The following SPIDR variants were observed in gnomAD, a reference collection of about 807,000 sequenced individuals.
SPIDR encodes the protein DNA repair-scaffolding protein.
SPIDR carries 93 observed loss-of-function variants against 104.6 expected under a neutral mutation model. That is an observed-to-expected ratio of 0.89 (90% CI 0.75 to 1.06). SPIDR has a LOEUF of 1.06. Ranked by LOEUF, SPIDR falls within the 50% of genes least tolerant of loss-of-function variation. SPIDR has a pLI of 0.00. For missense variants in SPIDR, 1,154 were observed against 1,111.2 expected (o/e 1.04, Z -0.55); for synonymous variants, 431 against 416.9 (o/e 1.03, Z -0.41).
At chr8:47,725,386 C>CTTTGT (rs1563673753) in intron 16 of SPIDR, among the ~76,000 whole-genome samples, 3 of 152,016 alleles carry the variant, frequency 2.0e-5, no homozygotes, top group African/African-American at 7.2e-5. Flanking sequence ...AAGTGAATGT[C>CTTTGT]TTTTGTTTTT....
chr8:47,700,301 G>A (rs1204081997), intron 11 of SPIDR, 102 bp from the exon 12 acceptor site: 6 of 1,171,586 alleles, frequency 5.1e-6, no homozygotes, highest in South Asian at 2.5e-5. Flanking sequence ...GTAGTTCCAT[G>A]GCCTTAGGCA....
In SPIDR at chr8:47,375,241, T is replaced by A. The variant is rs1019824563; in HGVS notation, c.526-21135T>A. Among the ~76,000 whole-genome samples, 32 of 122,024 alleles carry A rather than the reference T, an allele frequency of 2.6e-4. No homozygotes were observed. The South Asian group carries it at 0.01, about 39-fold the overall frequency. The allele number at this position is 122,024 out of a possible 152,430, so 80.1% of individuals were successfully genotyped here. On this transcript the variant is annotated intron_variant, in intron 5 of 19. Coordinates refer to ENST00000297423, the MANE Select transcript of SPIDR (RefSeq NM_001080394.4). ...AGTTAAGAGTTAATAGGCTTTTTTTTTTTTTTTTTTTTTTTTTTGAGCCAG... is the reference window on the plus strand; with the variant it reads ...AGTTAAGAGTTAATAGGCTTTTTTTATTTTTTTTTTTTTTTTTTGAGCCAG...
At chr8:47,403,708 C>G (rs545358587) in intron 6 of SPIDR, among the ~76,000 whole-genome samples, 1 of 152,028 alleles carries the variant, frequency 6.6e-6, no homozygotes, top group Non-Finnish European at 1.5e-5. Context: ...AAAGAGGAAA[C>G]AAATAAATGG....
chr8:47,478,131 C>T (rs953282155), intron 8 of SPIDR, among the ~76,000 whole-genome samples: 1 of 152,100 alleles, frequency 6.6e-6, no homozygotes, highest in Non-Finnish European at 1.5e-5. Context: ...ACAAGGAGTA[C>T]CAGAGGACAC....
At chr8:47,632,821 G>T (rs774348113) in intron 10 of SPIDR, among the ~76,000 whole-genome samples, 1 of 152,198 alleles carries the variant, frequency 6.6e-6, no homozygotes, top group Admixed American at 6.5e-5. Flanking sequence ...TCAGGGGCAC[G>T]CTGCACAGCA....
chr8:47,289,008 T>C (rs2154235260), intron 3 of SPIDR, among the ~76,000 whole-genome samples: 1 of 152,210 alleles, frequency 6.6e-6, no homozygotes, highest in South Asian at 2.1e-4. Flanking sequence ...GGAAGGAGCT[T>C]TCTTTTCTTT....
intron 11 of SPIDR, among the ~76,000 whole-genome samples, chr8:47,676,212 A>G (rs980294537): frequency 6.6e-6 from 1 of 152,246 alleles, no homozygotes; most frequent in Non-Finnish European, 1.5e-5. Flanking sequence ...TACATGGGAA[A>G]TGTTTTTGCC....
intron 8 of SPIDR, chr8:47,511,940 C>A: frequency 1.3e-6 from 1 of 792,536 alleles, no homozygotes. Context: ...ACTCTATTAT[C>A]ACTAGGGGCT....
intron 8 of SPIDR, among the ~76,000 whole-genome samples, chr8:47,456,590 A>G (rs1468860985): frequency 6.6e-6 from 1 of 152,106 alleles, no homozygotes; most frequent in East Asian, 1.9e-4. Flanking sequence ...ATTTGGTCCA[A>G]GGTTTTATTT....
At chr8:47,504,165 A>G (rs1355372821) in intron 8 of SPIDR, among the ~76,000 whole-genome samples, 1 of 151,982 alleles carries the variant, frequency 6.6e-6, no homozygotes, top group Non-Finnish European at 1.5e-5. Context: ...GTATTTCCTG[A>G]ATTTGAATGT....
At chr8:47,349,576 G>A (rs1351417891) in intron 5 of SPIDR, among the ~76,000 whole-genome samples, 2 of 152,236 alleles carry the variant, frequency 1.3e-5, no homozygotes, top group East Asian at 1.9e-4. Context: ...GCCCCCAGAG[G>A]TGGAGGCTAC....
At chr8:47,603,482 C>A (rs2062555351) in intron 10 of SPIDR, among the ~76,000 whole-genome samples, 1 of 152,116 alleles carries the variant, frequency 6.6e-6, no homozygotes. Flanking sequence ...CAGCCTCAAC[C>A]TCCTGGGCTC....
intron 7 of SPIDR, among the ~76,000 whole-genome samples, chr8:47,422,584 C>T (rs560997622): frequency 2.6e-5 from 4 of 152,372 alleles, no homozygotes; most frequent in South Asian, 2.1e-4. Context: ...CGCCCTGCTT[C>T]GGCTCACGCT....
At chr8:47,677,553 T>C (rs1401860906) in intron 11 of SPIDR, among the ~76,000 whole-genome samples, 2 of 152,202 alleles carry the variant, frequency 1.3e-5, no homozygotes, top group Non-Finnish European at 2.9e-5. Flanking sequence ...CGTTTTACAG[T>C]AGTGTACTGG....
chr8:47,584,309 T>C (rs2060045206), intron 8 of SPIDR, among the ~76,000 whole-genome samples: 1 of 152,200 alleles, frequency 6.6e-6, no homozygotes, highest in Non-Finnish European at 1.5e-5. Context: ...CTTGTGAGTA[T>C]ATGAGAAGAA....
intron 5 of SPIDR, among the ~76,000 whole-genome samples, chr8:47,373,510 A>G (rs1302961704): frequency 6.6e-6 from 1 of 150,696 alleles, no homozygotes; most frequent in Non-Finnish European, 1.5e-5. Context: ...TTTAATTTTT[A>G]TTTTTGTTAT....
intron 14 of SPIDR, among the ~76,000 whole-genome samples, chr8:47,711,118 T>C (rs946746821): frequency 6.6e-6 from 1 of 152,204 alleles, no homozygotes; most frequent in Non-Finnish European, 1.5e-5. Flanking sequence ...CAGCAAGTTA[T>C]ATCTATTACT....
At chr8:47,366,933 T>C (rs1170095770) in intron 5 of SPIDR, among the ~76,000 whole-genome samples, 2 of 152,212 alleles carry the variant, frequency 1.3e-5, no homozygotes, top group African/African-American at 2.4e-5. Context: ...TTGTAAATTG[T>C]GGTAGGTAGA....
At chr8:47,376,881 T>C (rs188016792) in intron 5 of SPIDR, among the ~76,000 whole-genome samples, 83 of 152,300 alleles carry the variant, frequency 5.4e-4, no homozygotes, top group African/African-American at 1.8e-3. Flanking sequence ...AAACTATAGC[T>C]TACAGGCCAA....
Sources: allele counts gnomAD v4.1 joint callset (sites outside exome capture counted in the v4.1 genomes callset), GRCh38; gene constraint gnomAD v4.1.1; transcripts MANE v1.5; gene names NCBI Gene and HGNC (gene_info 2026-07-23, HGNC 2026-07-21).